Variants in HLA-DQA1 observed in about 807,000 individuals in gnomAD.
HLA-DQA1 encodes major histocompatibility complex, class II, DQ alpha 1.
A neutral mutation model predicts 20.7 loss-of-function variants in HLA-DQA1; 10 were observed. The ratio of observed to expected loss-of-function variants is 0.48; its 90% CI spans 0.30 to 0.82. The LOEUF is 0.82. HLA-DQA1 is among the 40% of genes least tolerant of loss of function. HLA-DQA1 has a pLI of 0.07. For missense variants in HLA-DQA1, 127 were observed against 293.0 expected (o/e 0.43, Z 4.14); for synonymous variants, 39 against 109.2 (o/e 0.36, Z 4.01).
intron 4 of HLA-DQA1, 44 bp from the exon 5 acceptor site, chr6:32,642,908 G>A: frequency 1.4e-6 from 1 of 697,398 alleles, no homozygotes. Context: ...TGATGACACA[G>A]GAGCCCCCTC....
chr6:32,642,581 T>C, intron 3 of HLA-DQA1, 29 bp from the exon 4 acceptor site: 1 of 1,404,556 alleles, frequency 7.1e-7, no homozygotes, highest in Non-Finnish European at 9.8e-7. Flanking sequence ...ACACTCTGCA[T>C]TCTGACCTCA....
chr6:32,651,588 C>CAAAAAAAAAAAAAAAAAAAAAAAAA (rs70996710), downstream of HLA-DQA1, among the ~76,000 whole-genome samples: 2 of 15,282 alleles, frequency 1.3e-4, no homozygotes, highest in Non-Finnish European at 1.3e-4. Context: ...CGTCTCAAAG[C>CAAAAAAAAAAAAAAAAAAAAAAAAA]AAAAAAAAAA....
At chr6:32,653,666 A>G in the HLA-DQA1 span, among the ~76,000 whole-genome samples, 20,323 of 105,726 alleles carry the variant, frequency 0.19, 6,769 homozygotes, top group Admixed American at 0.23. Context: ...AGAAAATGCA[A>G]TCAGTATATC....
chr6:32,641,904 A>T, intron 2 of HLA-DQA1, 68 bp from the exon 3 acceptor site: 2 of 979,026 alleles, frequency 2.0e-6, no homozygotes, highest in Non-Finnish European at 2.9e-6. Flanking sequence ...GGGCTCTTCC[A>T]GGATGTAATG....
chr6:32,643,969 C>T (rs896932816), downstream of HLA-DQA1: 7 of 145,650 alleles, frequency 4.8e-5, no homozygotes, highest in African/African-American at 7.6e-5. Flanking sequence ...ATGTAGCTTT[C>T]CCTGTGCCAC....
At position 32,638,719 on chromosome 6, in the gene HLA-DQA1, AGAAG is replaced by A. The variant is rs113409319; in HGVS notation, c.82+1195_82+1198del. The stretch of plus-strand genomic sequence containing the variant: ...AAAGCGAGGAAGGAAGGAAGGAAGG[AGAAG>A]GAAGGAAGGAAGGAAAAGAAAAGAA... On this transcript the variant is annotated intron_variant, in intron 1 of 4. Transcript: ENST00000343139. 5.3e-4 allele frequency among the ~76,000 whole-genome samples: 32 copies of A among 60,030 alleles called. 9 individuals carry two copies. Among genetic ancestry groups the A allele is most frequent in the Non-Finnish European group, 1.0e-3 (28 of 27,112 alleles). 39.4% of individuals were successfully genotyped at this position (60,030 alleles called of 152,430 possible).
downstream of HLA-DQA1, chr6:32,644,994 T>A (rs190871213): frequency 2.7e-4 from 35 of 131,376 alleles, 3 homozygotes; most frequent in African/African-American, 9.2e-4. Context: ...CCAGTGATGA[T>A]CATGAAAATG....
At chr6:32,648,566 C>T (rs1209694956), downstream of HLA-DQA1, among the ~76,000 whole-genome samples, 3 of 96,580 alleles carry the variant, frequency 3.1e-5, 1 homozygote, top group South Asian at 3.1e-4. Flanking sequence ...AAAAGGACTT[C>T]GAAAAAATTC....
chr6:32,642,000 G>C lies in HLA-DQA1; in HGVS notation c.360G>C (p.Lys120Asn). The C allele has an allele frequency of 6.4e-7, 1 of 1,552,780 alleles. No individual in the cohort carries two copies. The highest frequency in any genetic ancestry group is 8.7e-7 in the Non-Finnish European group (1 of 1,153,642). Reference sequence around the variant, plus strand: ...TTCCTGAGGTCACAGTGTTTTCCAAGTCTCCCGTGACACTGGGTCAGCCCA... The same window carrying C: ...TTCCTGAGGTCACAGTGTTTTCCAACTCTCCCGTGACACTGGGTCAGCCCA... ...NEVPEVTVFS[K>N]SPVTLGQPNT... The change falls in exon 3 of 5, where the codon AAG becomes AAC. Residue 120 changes from lysine (K) to asparagine (N), a missense_variant. By Grantham distance (94) the Lys-to-Asn change is moderately conservative. Coordinates refer to ENST00000343139, the MANE Select transcript of HLA-DQA1 (RefSeq NM_002122.5).
Position 32,641,387 on chromosome 6 carries a change from GGA to G in HLA-DQA1, c.163_164del (p.Asp55Ter). The G allele has an allele frequency of 8.7e-7, 1 of 1,148,824 alleles. No individual in the cohort carries two copies. Among genetic ancestry groups the G allele is most frequent in the South Asian group, 1.2e-5 (1 of 81,418 alleles). 71.2% of individuals were successfully genotyped at this position (1,148,824 alleles called of 1,614,324 possible). A position where few individuals can be genotyped will look rare whatever the true frequency, so the allele number is the denominator to read the frequency against. ...TGGCCAGTACACCCATGAATTTGAT[GGA>G]GATGAGCAGTTCTACGTGGACCTGG... Reference protein sequence around the residue: ...PSGQYTHEFDGDEQFYVDLER... With the variant: ...PSGQYTHEFDXDEQFYVDLER... On this transcript the variant is annotated frameshift_variant, in exon 2 of 5. Transcript: ENST00000343139. LOFTEE classifies it high-confidence loss of function.
chr6:32,653,690 C>T, the HLA-DQA1 span, among the ~76,000 whole-genome samples: 8,181 of 64,150 alleles, frequency 0.13, 2,022 homozygotes, highest in Non-Finnish European at 0.16. Flanking sequence ...GAGATATCTG[C>T]ACTCCCATGT....
downstream of HLA-DQA1, chr6:32,645,202 A>C (rs9273146): frequency 2.0e-5 from 3 of 150,640 alleles, no homozygotes; most frequent in East Asian, 6.0e-4. Flanking sequence ...TGTACCACTC[A>C]GATGGGAGAT....
At chr6:32,655,261 T>TTA in the HLA-DQA1 span, among the ~76,000 whole-genome samples, 1 of 142,056 alleles carries the variant, frequency 7.0e-6, no homozygotes, top group African/African-American at 2.6e-5. Context: ...AGTTTTCTGT[T>TTA]TTTTAAAATC....
rs6930589 is a variant in HLA-DQA1, at chr6:32,641,161, G to T, written c.83-149G>T. ...ACTGGACAACTACCAACATGAAGAGGGGAGGAAGCAGGGGCTGGAAATGTC... is the reference window on the plus strand; with the variant it reads ...ACTGGACAACTACCAACATGAAGAGTGGAGGAAGCAGGGGCTGGAAATGTC... On this transcript the variant is annotated intron_variant, in intron 1 of 4. Coordinates refer to ENST00000343139, the MANE Select transcript of HLA-DQA1 (RefSeq NM_002122.5). 7.2e-3 allele frequency: 3,548 copies of T among 493,792 alleles called. 292 individuals carry two copies. Among genetic ancestry groups the T allele is most frequent in the Admixed American group, 0.016 (384 of 24,742 alleles). The allele number at this position is 493,792 out of a possible 1,614,324, so 30.6% of individuals were successfully genotyped here. A position where few individuals can be genotyped will look rare whatever the true frequency, so the allele number is the denominator to read the frequency against.
At chr6:32,647,631 T>A (rs913210427), downstream of HLA-DQA1, among the ~76,000 whole-genome samples, 18 of 152,314 alleles carry the variant, frequency 1.2e-4, 1 homozygote, top group Middle Eastern at 6.8e-3. Context: ...CTCTTCTCAT[T>A]TTTATCACAG....
downstream of HLA-DQA1, chr6:32,644,335 C>T (rs2150976543): frequency 1.3e-5 from 2 of 152,216 alleles, no homozygotes; most frequent in South Asian, 4.2e-4. Context: ...AACATTAATG[C>T]AATAATTGAT....
In HLA-DQA1 at chr6:32,642,232, C is replaced by A. The variant is rs2308891; in HGVS notation, c.592C>A (p.Gln198Lys). The A allele has an allele frequency of 0.056, 66,141 of 1,180,062 alleles. 13,051 individuals are homozygous for A. The highest frequency in any genetic ancestry group is 0.12 in the Admixed American group (5,193 of 42,682). 73.1% of individuals were successfully genotyped at this position (1,180,062 alleles called of 1,614,324 possible). ...CAAGGTGGAGCACTGGGGCCTGGAC[C>A]AGCCTCTTCTGAAACACTGGGGTAA... Reference protein sequence around the residue: ...DCKVEHWGLDQPLLKHWEPEI... With the variant: ...DCKVEHWGLDKPLLKHWEPEI... Residue 198 changes from glutamine to lysine, a missense_variant, in exon 3 of 5, where the codon CAG becomes AAG. Around this residue, in one of 4 missense-constraint regions of HLA-DQA1, gnomAD observed 46 missense variants for 152.1 expected, o/e 0.30. Coordinates refer to ENST00000343139, the MANE Select transcript of HLA-DQA1 (RefSeq NM_002122.5).
At chr6:32,641,274 T>A (rs1781380389) in intron 1 of HLA-DQA1, 36 bp from the exon 2 acceptor site, 2 of 1,217,446 alleles carry the variant, frequency 1.6e-6, no homozygotes, top group Admixed American at 2.3e-5. Context: ...TCTTCCCCTG[T>A]TCTCCGCCTT....
rs9272518 is a variant in HLA-DQA1 at position 32,638,669 on chromosome 6, G to C, written c.82+1129G>C. On this transcript the variant is annotated intron_variant, in intron 1 of 4. Transcript: ENST00000343139. Reference sequence around the variant, plus strand: ...TCCAGCCAGGGCAACAGAGAGAGGCGCTGTCTCAAAAAGAAAGAGGAAAGA... The same window carrying C: ...TCCAGCCAGGGCAACAGAGAGAGGCCCTGTCTCAAAAAGAAAGAGGAAAGA... Among the ~76,000 whole-genome samples, 655 of 80,386 alleles carry C rather than the reference G, an allele frequency of 8.1e-3. 16 individuals carry two copies. Among genetic ancestry groups the C allele is most frequent in the South Asian group, 0.015 (37 of 2,466 alleles). 52.7% of individuals were successfully genotyped at this position (80,386 alleles called of 152,430 possible). A position where few individuals can be genotyped will look rare whatever the true frequency, so the allele number is the denominator to read the frequency against.
Sources: gnomAD v4.1 joint callset for allele counts (sites outside exome capture counted in the v4.1 genomes callset) on GRCh38, gnomAD v4.1.1 for gene constraint, gnomAD v4.1.1 regional missense constraint, MANE v1.5 for transcripts, NCBI Gene and HGNC (gene_info 2026-07-23, HGNC 2026-07-21) for gene names.